Variants in FGFR2 observed in about 807,000 individuals in gnomAD.
The protein encoded by FGFR2 is fibroblast growth factor receptor 2, also known as BEK fibroblast growth factor receptor.
A neutral mutation model predicts 95.9 loss-of-function variants in FGFR2; 19 were observed. The ratio of observed to expected loss-of-function variants is 0.20; its 90% CI spans 0.14 to 0.29. FGFR2 has a LOEUF of 0.29. Ranked by LOEUF, FGFR2 falls within the 10% of genes least tolerant of loss-of-function variation. The pLI, the probability that FGFR2 is intolerant of heterozygous loss-of-function variation, is 1.00. For missense variants in FGFR2, 707 were observed against 1,056.9 expected (o/e 0.67, Z 4.59); for synonymous variants, 392 against 393.3 (o/e 1.00, Z 0.04).
In FGFR2 at chr10:121,558,739, G is replaced by A. The variant is rs1194861635; in HGVS notation, c.454+5763C>T. On this transcript the variant is annotated intron_variant, in intron 4 of 17. Coordinates refer to ENST00000358487, the MANE Select transcript of FGFR2 (RefSeq NM_000141.5). ...TCTCCTGCCTCAGCCTCAGGCGCCC[G>A]CCACCAAGCCCGGCTAATTTTTATA... Among the ~76,000 whole-genome samples the A allele has an allele frequency of 2.6e-5, 4 of 151,182 alleles. No homozygotes were observed. The South Asian group carries it at 6.3e-4, about 24-fold the overall frequency.
intron 13 of FGFR2, among the ~76,000 whole-genome samples, chr10:121,490,817 C>G (rs568549069): frequency 6.6e-6 from 1 of 152,304 alleles, no homozygotes; most frequent in Non-Finnish European, 1.5e-5. Context: ...CGACCCCTAG[C>G]TATTCCTTGT....
At chr10:121,578,605 C>G (rs552089483) in intron 2 of FGFR2, among the ~76,000 whole-genome samples, 1 of 152,244 alleles carries the variant, frequency 6.6e-6, no homozygotes, top group East Asian at 1.9e-4. Context: ...CTTCCTTGCT[C>G]CCACTTCCAA....
rs1041751986 is a variant in FGFR2 at position 121,478,696 on chromosome 10, G to C, written c.*1161C>G. The C allele has an allele frequency of 8.6e-6, 2 of 233,308 alleles. No individual in the cohort carries two copies. The highest frequency in any genetic ancestry group is 1.7e-5 in the Non-Finnish European group (2 of 118,024). 14.5% of individuals were successfully genotyped at this position (233,308 alleles called of 1,614,324 possible). A position where few individuals can be genotyped will look rare whatever the true frequency, so the allele number is the denominator to read the frequency against. ...CTCTGTGTTTCAATTTTCTATGATG[G>C]GACTTGAAGATCCTAACAGGCGTCT... On this transcript the variant is annotated 3_prime_UTR_variant, in exon 18 of 18. Transcript: ENST00000358487.
intron 2 of FGFR2, among the ~76,000 whole-genome samples, chr10:121,592,079 GAC>G (rs1862739595): frequency 1.3e-5 from 2 of 152,130 alleles, no homozygotes; most frequent in Admixed American, 1.3e-4. Context: ...AATGAAAAAT[GAC>G]AGTTTTTCCC....
intron 9 of FGFR2, among the ~76,000 whole-genome samples, chr10:121,510,758 G>A (rs1269419767): frequency 2.7e-5 from 4 of 147,208 alleles, no homozygotes; most frequent in Admixed American, 1.3e-4. Context: ...TGCTACAAAA[G>A]GTAGCCTTCA....
chr10:121,567,889 G>A (rs1399384461), intron 2 of FGFR2, among the ~76,000 whole-genome samples: 2 of 152,206 alleles, frequency 1.3e-5, no homozygotes, highest in Non-Finnish European at 2.9e-5. Flanking sequence ...TTTGCAAAAA[G>A]TGTTTCAATC....
intron 6 of FGFR2, among the ~76,000 whole-genome samples, chr10:121,525,126 G>T (rs41295539): frequency 6.6e-6 from 1 of 152,298 alleles, no homozygotes; most frequent in South Asian, 2.1e-4. Flanking sequence ...AAAATAGGCT[G>T]ATGAGTAGCT....
At chr10:121,538,876 A>G (rs932352245) in intron 5 of FGFR2, among the ~76,000 whole-genome samples, 161 bp from the exon 6 acceptor site, 1 of 152,274 alleles carries the variant, frequency 6.6e-6, no homozygotes, top group South Asian at 2.1e-4. Flanking sequence ...GTGAGAAATG[A>G]AAACCATCAT....
chr10:121,486,840 A>C (rs1279590045), intron 15 of FGFR2, among the ~76,000 whole-genome samples: 4 of 152,234 alleles, frequency 2.6e-5, no homozygotes, highest in Non-Finnish European at 5.9e-5. Flanking sequence ...TGTTTCTAGA[A>C]TGCTATCAAG....
intron 2 of FGFR2, among the ~76,000 whole-genome samples, chr10:121,590,313 G>C (rs2135449102): frequency 6.6e-6 from 1 of 152,324 alleles, no homozygotes; most frequent in Non-Finnish European, 1.5e-5. Flanking sequence ...ACCAGAGTAG[G>C]TGACAATGTC....
chr10:121,581,432 GCCAC>G (rs1307677400), intron 2 of FGFR2, among the ~76,000 whole-genome samples: 2 of 152,028 alleles, frequency 1.3e-5, no homozygotes, highest in Non-Finnish European at 2.9e-5. Context: ...CCAGGTGGGT[GCCAC>G]CTCCTTAAGG....
At chr10:121,595,210 G>C (rs1304792491) in intron 1 of FGFR2, among the ~76,000 whole-genome samples, 4 of 152,128 alleles carry the variant, frequency 2.6e-5, no homozygotes, top group Non-Finnish European at 5.9e-5. Flanking sequence ...GTACCCACTC[G>C]ATGTTTCAAG....
At chr10:121,482,031 G>T (rs1844796796) in intron 17 of FGFR2, 2 of 646,128 alleles carry the variant, frequency 3.1e-6, no homozygotes, top group Admixed American at 2.3e-5. Context: ...TAGAGACAGG[G>T]TTTCACCATG....
At chr10:121,544,963 T>A (rs138221154) in intron 5 of FGFR2, among the ~76,000 whole-genome samples, 34 of 152,282 alleles carry the variant, frequency 2.2e-4, no homozygotes, top group East Asian at 1.7e-3. Flanking sequence ...GGCAACCAAG[T>A]GAGACCCCGT....
In FGFR2 at chr10:121,479,536, T is replaced by C. The variant is rs3135825; in HGVS notation, c.*321A>G. ...TGCTGACATAAATCTTCTCCAATTATTACAAAATTAACAAGGAAGGCAGAA... is the reference window on the plus strand; with the variant it reads ...TGCTGACATAAATCTTCTCCAATTACTACAAAATTAACAAGGAAGGCAGAA... On this transcript the variant is annotated 3_prime_UTR_variant, in exon 18 of 18. Coordinates refer to ENST00000358487, the MANE Select transcript of FGFR2 (RefSeq NM_000141.5). 2.0e-6 allele frequency: 3 copies of C among 1,483,960 alleles called. No homozygotes were observed. Among genetic ancestry groups the C allele is most frequent in the African/African-American group, 1.4e-5 (1 of 71,508 alleles). The allele number at this position is 1,483,960 out of a possible 1,614,324, so 91.9% of individuals were successfully genotyped here. A position where few individuals can be genotyped will look rare whatever the true frequency, so the allele number is the denominator to read the frequency against.
chr10:121,528,634 T>C (rs914060716), intron 6 of FGFR2, among the ~76,000 whole-genome samples: 2 of 152,182 alleles, frequency 1.3e-5, no homozygotes, highest in African/African-American at 2.4e-5. Flanking sequence ...CTCCCTTTGA[T>C]AGGAATAACA....
intron 6 of FGFR2, among the ~76,000 whole-genome samples, chr10:121,528,157 C>A (rs1199384469): frequency 6.6e-6 from 1 of 152,188 alleles, no homozygotes; most frequent in African/African-American, 2.4e-5. Flanking sequence ...ACAGCAACCA[C>A]TCCAAGTAAG....
intron 4 of FGFR2, among the ~76,000 whole-genome samples, chr10:121,556,979 A>G (rs1856250981): frequency 6.6e-6 from 1 of 152,250 alleles, no homozygotes; most frequent in Non-Finnish European, 1.5e-5. Flanking sequence ...AAGAGAAAAC[A>G]AATCTAACAA....
At chr10:121,545,210 T>A (rs1453031177) in intron 5 of FGFR2, among the ~76,000 whole-genome samples, 1 of 152,226 alleles carries the variant, frequency 6.6e-6, no homozygotes, top group African/African-American at 2.4e-5. Flanking sequence ...ATCCCCAACT[T>A]TGCTCTCAAC....
Sources: allele counts gnomAD v4.1 joint callset (sites outside exome capture counted in the v4.1 genomes callset), GRCh38; gene constraint gnomAD v4.1.1; transcripts MANE v1.5; gene names NCBI Gene and HGNC (gene_info 2026-07-23, HGNC 2026-07-21).